The following POLQ variants were observed in gnomAD, a reference collection of about 807,000 sequenced individuals.
POLQ encodes DNA polymerase theta.
Under a neutral mutation model 259.2 loss-of-function variants are expected in POLQ, and 233 were observed. The observed-to-expected ratio is 0.90, with a 90% CI of 0.81 to 1.00. The LOEUF (loss-of-function observed/expected upper bound fraction) is 1.00, where lower values mean the gene tolerates loss of function less well. POLQ is among the 50% of genes least tolerant of loss of function. The probability of loss-of-function intolerance (pLI) is 0.00; values close to 1 mark genes in which losing one functional copy is unlikely to be tolerated. For synonymous variants in POLQ, 1,025 were observed against 1,048.8 expected (o/e 0.98, Z 0.44); for missense variants, 2,871 against 3,051.6 (o/e 0.94, Z 1.39).
chr3:121,446,183 AT>A (rs1324367404), intron 26 of POLQ, among the ~76,000 whole-genome samples: 1 of 151,282 alleles, frequency 6.6e-6, no homozygotes, highest in Non-Finnish European at 1.5e-5. Context: ...TTCTTTCTTA[AT>A]TTTTTAATTG....
rs1452572032 is a variant in POLQ, at chr3:121,489,056, T to A, written c.3875A>T (p.Gln1292Leu). 1.9e-6 allele frequency: 3 copies of A among 1,613,358 alleles called. No homozygotes were observed. The change falls in exon 16 of 30, where the codon CAA becomes CTA. Residue 1292 changes from glutamine (Q) to leucine (L), a missense_variant. Around this residue, in one of 3 missense-constraint regions of POLQ, gnomAD observed 2,080 missense variants for 2,126.0 expected, o/e 0.98. Coordinates refer to ENST00000264233, the MANE Select transcript of POLQ (RefSeq NM_199420.4). ...HENFLNISRL[Q>L]EKTGTYTTNK... ...TGTTGTATAAGTACCTGTTTTTTCT[T>A]GTAGTCTAGAAATATTTAGAAAATT...
chr3:121,539,349 G>A, intron 4 of POLQ, 84 bp downstream of exon 4: 1 of 1,038,428 alleles, frequency 9.6e-7, no homozygotes, highest in Non-Finnish European at 1.4e-6. Flanking sequence ...AAAACAAATG[G>A]GACCTAGAGA....
chr3:121,471,413 C>A (rs1242474656), intron 22 of POLQ, among the ~76,000 whole-genome samples: 2 of 152,122 alleles, frequency 1.3e-5, no homozygotes, highest in Non-Finnish European at 2.9e-5. Flanking sequence ...AAAGTACTGT[C>A]TCAGACATCC....
At position 121,490,131 on chromosome 3, in the gene POLQ, A is replaced by G. The variant is rs1293364758; in HGVS notation, c.2800T>C (p.Leu934=). The G allele has an allele frequency of 6.2e-7, 1 of 1,608,760 alleles. No homozygotes were observed. Among genetic ancestry groups the G allele is most frequent in the Non-Finnish European group, 8.5e-7 (1 of 1,176,590 alleles). ...GTGTTACTTTTGTTCTTTGATGTTA[A>G]TTTTTTATAAGAACTCTTAGTTTGG... ...ISQTKSSYKK[L]TSKNKSNTIF... The change falls in exon 16 of 30, where the codon TTA becomes CTA. Residue 934 remains leucine, a synonymous_variant. Transcript: ENST00000264233.
At chr3:121,470,703 G>C (rs369950227) in intron 22 of POLQ, among the ~76,000 whole-genome samples, 2 of 152,126 alleles carry the variant, frequency 1.3e-5, no homozygotes, top group African/African-American at 4.8e-5. Flanking sequence ...CTTGATCTCC[G>C]AGGCTCAAGC....
rs372121874 is a variant in POLQ at position 121,432,301 on chromosome 3, C to G, written c.*3G>C. The stretch of plus-strand genomic sequence containing the variant: ...CCCTGGGAGGACTTCATCAACAGCA[C>G]AGTTACACATCAAAGTCCTTTAGCT... On this transcript the variant is annotated 3_prime_UTR_variant, in exon 30 of 30. Coordinates refer to ENST00000264233, the MANE Select transcript of POLQ (RefSeq NM_199420.4). 3 of 1,592,784 alleles carry G rather than the reference C, an allele frequency of 1.9e-6. No individual in the cohort carries two copies. The highest frequency in any genetic ancestry group is 2.6e-6 in the Non-Finnish European group (3 of 1,171,558).
chr3:121,448,726 A>T (rs1336394512), intron 26 of POLQ, among the ~76,000 whole-genome samples: 1 of 152,184 alleles, frequency 6.6e-6, no homozygotes, highest in Non-Finnish European at 1.5e-5. Flanking sequence ...GGGTTGATTT[A>T]AAAAGAGCAT....
intron 23 of POLQ, 141 bp from the exon 24 acceptor site, chr3:121,467,781 C>A (rs1463807740): frequency 1.2e-6 from 1 of 804,872 alleles, no homozygotes; most frequent in Non-Finnish European, 2.0e-6. Flanking sequence ...TAGCTCACAC[C>A]TGTAATACCA....
chr3:121,441,158 A>G (rs975518200), intron 26 of POLQ, among the ~76,000 whole-genome samples: 2 of 152,214 alleles, frequency 1.3e-5, no homozygotes, highest in Non-Finnish European at 2.9e-5. Context: ...AGAGGAAAGA[A>G]AAGGGTGAGA....
At chr3:121,447,228 T>G (rs2047639502) in intron 26 of POLQ, among the ~76,000 whole-genome samples, 3 of 145,302 alleles carry the variant, frequency 2.1e-5, no homozygotes, top group Non-Finnish European at 4.5e-5. Flanking sequence ...TGGAGTGCAA[T>G]GGCACAGTCT....
Position 121,544,817 on chromosome 3 carries a change from G to A in POLQ, c.253C>T (p.His85Tyr). The A allele has an allele frequency of 5.6e-6, 9 of 1,612,126 alleles. No individual in the cohort carries two copies. Among genetic ancestry groups the A allele is most frequent in the Non-Finnish European group, 7.6e-6 (9 of 1,178,298 alleles). ...AACATCTTTTTTACACCAAAACTGT[G>A]GTATTTTTCCAGAACTGCTTTAGGA... ...GLPKAVLEKY[H>Y]SFGVKKMFEW... The change falls in exon 2 of 30, where the codon CAC (histidine) becomes TAC (tyrosine). Residue 85 changes from histidine (H) to tyrosine (Y), a missense_variant. Transcript: ENST00000264233.
intron 12 of POLQ, among the ~76,000 whole-genome samples, chr3:121,502,709 T>C (rs2048181204): frequency 6.6e-6 from 1 of 152,212 alleles, no homozygotes; most frequent in Non-Finnish European, 1.5e-5. Flanking sequence ...TCTGTAAATG[T>C]ATATTTGCTC....
intron 11 of POLQ, 143 bp from the exon 12 acceptor site, chr3:121,509,846 TGAG>T: frequency 1.1e-6 from 1 of 897,360 alleles, no homozygotes; most frequent in Non-Finnish European, 1.7e-6. Flanking sequence ...TGAAAATGTA[TGAG>T]CAGGCTCTAT....
Position 121,489,374 on chromosome 3 carries a change from T to C in POLQ, c.3557A>G (p.His1186Arg). ...GSKNQNVYMK[H>R]HDIHPINQYL... ...CTGGTTAATTGGATGGATGTCATGG[T>C]GTTTCATATAAACATTCTGGTTTTT... The change falls in exon 16 of 30, where the codon CAC becomes CGC. Residue 1186 changes from histidine to arginine, a missense_variant. Coordinates refer to ENST00000264233, the MANE Select transcript of POLQ (RefSeq NM_199420.4). 6.2e-7 allele frequency: 1 copy of C among 1,613,432 alleles called. No individual in the cohort carries two copies. The highest frequency in any genetic ancestry group is 8.5e-7 in the Non-Finnish European group (1 of 1,179,822).
intron 19 of POLQ, among the ~76,000 whole-genome samples, chr3:121,480,901 A>G (rs563631560): frequency 6.6e-6 from 1 of 152,290 alleles, no homozygotes; most frequent in South Asian, 2.1e-4. Context: ...GTACCTATTG[A>G]TTAGTCAATA....
chr3:121,503,897 G>A (rs1361471021), intron 12 of POLQ, among the ~76,000 whole-genome samples: 2 of 152,166 alleles, frequency 1.3e-5, no homozygotes, highest in Non-Finnish European at 2.9e-5. Flanking sequence ...CTGTCACCCA[G>A]GCTGGAGTGC....
At position 121,488,618 on chromosome 3, in the gene POLQ, G is replaced by GT; in HGVS notation, c.4312dup (p.Thr1438AsnfsTer2). 6.2e-7 allele frequency: 1 copy of GT among 1,604,188 alleles called. No individual in the cohort carries two copies. Among genetic ancestry groups the GT allele is most frequent in the Non-Finnish European group, 8.5e-7 (1 of 1,176,884 alleles). ...AAGAAAACTATTTAATTGTGAATCA[G>GT]TAACAGAAACTTCATTCTTTTTTAA... On this transcript the variant is annotated frameshift_variant, in exon 16 of 30. Transcript: ENST00000264233. LOFTEE classifies it high-confidence loss of function.
At chr3:121,480,550 G>C (rs569694293) in intron 19 of POLQ, among the ~76,000 whole-genome samples, 1 of 151,200 alleles carries the variant, frequency 6.6e-6, no homozygotes, top group South Asian at 2.1e-4. Flanking sequence ...CAAACTTCTG[G>C]GCTCCAGTGA....
intron 21 of POLQ, among the ~76,000 whole-genome samples, chr3:121,472,725 A>C (rs2047895373): frequency 6.6e-6 from 1 of 152,254 alleles, no homozygotes; most frequent in Non-Finnish European, 1.5e-5. Flanking sequence ...TCCTAGGAGC[A>C]GACAAATCAT....
Sources: gnomAD v4.1 joint callset for allele counts (sites outside exome capture counted in the v4.1 genomes callset) on GRCh38, gnomAD v4.1.1 for gene constraint, gnomAD v4.1.1 regional missense constraint, MANE v1.5 for transcripts, NCBI Gene and HGNC (gene_info 2026-07-23, HGNC 2026-07-21) for gene names.